The following OR1L6 variants were observed in gnomAD, a reference collection of about 807,000 sequenced individuals.
OR1L6 encodes olfactory receptor family 1 subfamily L member 6, also known as olfactory receptor 1L6.
Under a neutral mutation model 3.0 loss-of-function variants are expected in OR1L6, and 2 were observed. The ratio of observed to expected loss-of-function variants is 0.68; its 90% confidence interval spans 0.28 to 2.13. The LOEUF is 2.13. Among genes scored for constraint, OR1L6 ranks in the 30% most tolerant of loss-of-function variants. The pLI, the probability that OR1L6 is intolerant of heterozygous loss-of-function variation, is 0.14. For missense variants in OR1L6, 304 were observed against 378.4 expected (o/e 0.80, Z 1.63); for synonymous variants, 121 against 148.4 (o/e 0.82, Z 1.34).
intron 1 of OR1L6, among the ~76,000 whole-genome samples, chr9:122,747,812 G>A (rs544610831): frequency 6.6e-6 from 1 of 151,722 alleles, no homozygotes; most frequent in South Asian, 2.1e-4. Context: ...TTTTCTAGGT[G>A]GACAGTTTCA....
In OR1L6 at chr9:122,748,302, G is replaced by A. The variant is rs560221072; in HGVS notation, c.-13-1533G>A. Reference sequence around the variant, plus strand: ...ATCATCACCACCTCCAGAACTATGAGCAGGAGAGGACCCTGAATGAAAGGG... The same window carrying A: ...ATCATCACCACCTCCAGAACTATGAACAGGAGAGGACCCTGAATGAAAGGG... On this transcript the variant is annotated intron_variant, in intron 1 of 1. Coordinates refer to ENST00000304720, the MANE Select transcript of OR1L6 (RefSeq NM_001004453.3). 4.6e-5 allele frequency among the ~76,000 whole-genome samples: 7 copies of A among 152,058 alleles called. No homozygotes were observed. The East Asian group carries it at 1.4e-3, about 29-fold the overall frequency.
intron 1 of OR1L6, among the ~76,000 whole-genome samples, chr9:122,746,705 T>G (rs1828840593): frequency 6.6e-6 from 1 of 152,220 alleles, no homozygotes; most frequent in Admixed American, 6.5e-5. Context: ...TTTACTCTCT[T>G]ACTGCTAGTA....
At chr9:122,746,226 C>T (rs376447248) in intron 1 of OR1L6, among the ~76,000 whole-genome samples, 1 of 152,170 alleles carries the variant, frequency 6.6e-6, no homozygotes, top group East Asian at 1.9e-4. Flanking sequence ...CACTTACTCC[C>T]TGCGGGATCT....
intron 1 of OR1L6, among the ~76,000 whole-genome samples, chr9:122,747,160 A>G (rs1365707109): frequency 6.6e-6 from 1 of 152,114 alleles, no homozygotes; most frequent in Non-Finnish European, 1.5e-5. Context: ...TGTGACAAAT[A>G]TCATTAATAT....
intron 1 of OR1L6, among the ~76,000 whole-genome samples, chr9:122,744,346 C>A (rs1403970972): frequency 6.6e-6 from 1 of 152,138 alleles, no homozygotes; most frequent in East Asian, 1.9e-4. Context: ...TCAGTGCATA[C>A]TCCCTGGTTT....
chr9:122,750,444 G>A lies in OR1L6; in HGVS notation c.597G>A (p.Val199=). The stretch of plus-strand genomic sequence containing the variant: ...CTGACACATCCTCCAGCCAGATGGT[G>A]GTGATGACTGAGACCTTAGCTGTCA... ...SCSDTSSSQM[V]VMTETLAVIV... The change falls in exon 2 of 2, where the codon GTG becomes GTA. Residue 199 remains valine (V), a synonymous_variant. Transcript: ENST00000304720. 2 of 1,582,618 alleles carry A rather than the reference G, an allele frequency of 1.3e-6. No homozygotes were observed. The highest frequency in any genetic ancestry group is 1.7e-6 in the Non-Finnish European group (2 of 1,158,786).
At chr9:122,748,430 C>T (rs1221499763) in intron 1 of OR1L6, among the ~76,000 whole-genome samples, 1 of 151,756 alleles carries the variant, frequency 6.6e-6, no homozygotes, top group Non-Finnish European at 1.5e-5. Flanking sequence ...AGAAGTTGGT[C>T]AAGAGACAAC....
intron 1 of OR1L6, among the ~76,000 whole-genome samples, chr9:122,743,419 A>G (rs1828807587): frequency 6.6e-6 from 1 of 152,224 alleles, no homozygotes; most frequent in South Asian, 2.1e-4. Context: ...TCTCTGAAGC[A>G]AGAGACATGA....
intron 1 of OR1L6, among the ~76,000 whole-genome samples, chr9:122,748,526 T>C (rs536402046): frequency 6.6e-6 from 1 of 152,290 alleles, no homozygotes; most frequent in South Asian, 2.1e-4. Flanking sequence ...TGGAAAAATC[T>C]TTATCTTTCA....
chr9:122,750,596 C>A lies in OR1L6; in HGVS notation c.749C>A (p.Ala250Asp). The change falls in exon 2 of 2, where the codon GCC becomes GAC. Residue 250 changes from alanine to aspartate, a missense_variant. Transcript: ENST00000304720. ...STCGSHLTAV[A>D]LFYGSIIYVY... ...TGTGGCTCCCACCTCACTGCAGTAG[C>A]CCTTTTCTATGGGAGTATTATTTAT... is the stretch of plus-strand genomic sequence containing the variant. 6.2e-7 allele frequency: 1 copy of A among 1,614,136 alleles called. No homozygotes were observed. The highest frequency in any genetic ancestry group is 8.5e-7 in the Non-Finnish European group (1 of 1,180,026).
At chr9:122,749,056 G>A (rs996625685) in intron 1 of OR1L6, among the ~76,000 whole-genome samples, 5 of 152,164 alleles carry the variant, frequency 3.3e-5, no homozygotes, top group Non-Finnish European at 7.4e-5. Flanking sequence ...ACATATAAGT[G>A]CAGGTATCCC....
At chr9:122,743,307 G>A (rs930799307) in intron 1 of OR1L6, among the ~76,000 whole-genome samples, 2 of 152,212 alleles carry the variant, frequency 1.3e-5, no homozygotes, top group Admixed American at 6.5e-5. Flanking sequence ...ACCTGAGCTG[G>A]ATGAACTGGG....
At chr9:122,745,337 T>C (rs990106745) in intron 1 of OR1L6, among the ~76,000 whole-genome samples, 2 of 151,534 alleles carry the variant, frequency 1.3e-5, no homozygotes, top group Non-Finnish European at 2.9e-5. Context: ...CTTTAAAATA[T>C]GCACACAATT....
At chr9:122,749,051 T>A (rs1403473830) in intron 1 of OR1L6, among the ~76,000 whole-genome samples, 1 of 152,204 alleles carries the variant, frequency 6.6e-6, no homozygotes, top group African/African-American at 2.4e-5. Context: ...AATAAACATA[T>A]AAGTGCAGGT....
At chr9:122,749,764 C>T (rs775735215) in intron 1 of OR1L6, 71 bp from the exon 2 acceptor site, 1 of 1,376,310 alleles carries the variant, frequency 7.3e-7, no homozygotes. Flanking sequence ...CAGGCTTAAG[C>T]TTATGAAAGA....
Position 122,745,535 on chromosome 9 carries a change from C to T in OR1L6, c.-14+3162C>T, listed in dbSNP as rs1016036852. ...TCAAGCCATTCTCCTGCCTCAGCCTCCCGAGTAGCTGGGACTGCAGGCGCC... is the reference window on the plus strand; with the variant it reads ...TCAAGCCATTCTCCTGCCTCAGCCTTCCGAGTAGCTGGGACTGCAGGCGCC... On this transcript the variant is annotated intron_variant, in intron 1 of 1. Transcript: ENST00000304720. Among the ~76,000 whole-genome samples, 5 of 150,594 alleles carry T rather than the reference C, an allele frequency of 3.3e-5. No individual in the cohort carries two copies. In the Admixed American group the frequency reaches 3.3e-4, roughly 10 times the overall value.
In OR1L6 at chr9:122,749,702, C is replaced by T. The variant is rs368443857; in HGVS notation, c.-13-133C>T. 82 of 858,800 alleles carry T rather than the reference C, an allele frequency of 9.5e-5. No homozygotes were observed. The African/African-American group carries it at 1.3e-3, about 13-fold the overall frequency. 53.2% of individuals were successfully genotyped at this position (858,800 alleles called of 1,614,324 possible). ...CAGTCTGGGCGACAGACCGAGACTC[C>T]GTCTCAAAGAAAAAAAAAACAACCG... is the stretch of plus-strand genomic sequence containing the variant. On this transcript the variant is annotated intron_variant, in intron 1 of 1. Coordinates refer to ENST00000304720, the MANE Select transcript of OR1L6 (RefSeq NM_001004453.3).
intron 1 of OR1L6, among the ~76,000 whole-genome samples, chr9:122,749,382 A>G (rs10120579): frequency 0.91 from 138,928 of 152,254 alleles, 63,802 homozygotes; most frequent in East Asian, 1. Flanking sequence ...CTCCTGATCC[A>G]TGAGCATGGA....
Position 122,749,955 on chromosome 9 carries a change from C to A in OR1L6, c.108C>A (p.Tyr36Ter), listed in dbSNP as rs1944782520. 6.2e-7 allele frequency: 1 copy of A among 1,614,172 alleles called. No homozygotes were observed. The highest frequency in any genetic ancestry group is 1.1e-5 in the South Asian group (1 of 91,076). Residue 36 changes from tyrosine to a stop codon, truncating the protein, a stop_gained, in exon 2 of 2, where the codon TAC (tyrosine) becomes TAA (stop). Transcript: ENST00000304720. LOFTEE classifies it low-confidence loss of function (END_TRUNC). ...TCTTTGCCATCTTCCTCATCATGTA[C>A]CTGCTCGCTGCGGTGGGGAATGTGC... ...KPLFAIFLIM[Y>*]LLAAVGNVLI...
Sources: gnomAD v4.1 joint callset for allele counts (sites outside exome capture counted in the v4.1 genomes callset) on GRCh38, gnomAD v4.1.1 for gene constraint, MANE v1.5 for transcripts, NCBI Gene and HGNC (gene_info 2026-07-23, HGNC 2026-07-21) for gene names.